Variants in METTL3 observed in about 807,000 individuals in gnomAD.
METTL3 encodes methyltransferase 3, N6-adenosine-methyltransferase complex catalytic subunit, also known as N(6)-adenosine-methyltransferase catalytic subunit METTL3.
A neutral mutation model predicts 64.3 loss-of-function variants in METTL3; 42 were observed. The observed-to-expected ratio is 0.65, with a 90% confidence interval of 0.51 to 0.84. The LOEUF (loss-of-function observed/expected upper bound fraction) is 0.84, where lower values mean the gene tolerates loss of function less well. Among genes scored for constraint, METTL3 ranks in the 40% least tolerant of loss-of-function variants. METTL3 has a pLI of 0.00. For synonymous variants in METTL3, 256 were observed against 263.6 expected (o/e 0.97, Z 0.28); for missense variants, 435 against 722.3 (o/e 0.60, Z 4.56).
At position 21,503,287 on chromosome 14, in the gene METTL3, C is replaced by T. The variant is rs143651068; in HGVS notation, c.609G>A (p.Ser203=). ...SLVSGLNSSA[S]EPAKEPAKKS... ...TCTTGGCTGGCTCCTTTGCTGGTTC[C>T]GATGCTGAAGAGTTCAGACCAGAGA... The change falls in exon 3 of 11, where the codon TCG becomes TCA. Residue 203 remains serine, a synonymous_variant. Coordinates refer to ENST00000298717, the MANE Select transcript of METTL3 (RefSeq NM_019852.5). The T allele has an allele frequency of 6.3e-5, 101 of 1,614,024 alleles. No homozygotes were observed. Among genetic ancestry groups the T allele is most frequent in the Middle Eastern group, 1.6e-4 (1 of 6,084 alleles).
At chr14:21,507,286 C>T (rs1194810419) in intron 1 of METTL3, among the ~76,000 whole-genome samples, 1 of 152,156 alleles carries the variant, frequency 6.6e-6, no homozygotes, top group Non-Finnish European at 1.5e-5. Flanking sequence ...GTGGTGGGTA[C>T]ATTTTAGTTC....
In METTL3 at chr14:21,511,270, A is replaced by G; in HGVS notation, c.-47T>C. 6.3e-7 allele frequency: 1 copy of G among 1,581,344 alleles called. No individual in the cohort carries two copies. Among genetic ancestry groups the G allele is most frequent in the Non-Finnish European group, 8.6e-7 (1 of 1,164,192 alleles). On this transcript the variant is annotated 5_prime_UTR_variant, in exon 1 of 11. Transcript: ENST00000298717. ...CCTCTCGAATAAGGCGCGGCGGACT[A>G]GCACCTCCCAGCACTCGCTCCAGGA...
At chr14:21,504,031 C>G in intron 1 of METTL3, 150 bp from the exon 2 acceptor site, 1 of 640,840 alleles carries the variant, frequency 1.6e-6, no homozygotes, top group Admixed American at 2.9e-5. Flanking sequence ...ATTACCTATC[C>G]TCAATCATAC....
At chr14:21,499,197 T>A (rs1891491795) in intron 9 of METTL3, 60 bp from the exon 10 acceptor site, 12 of 1,578,632 alleles carry the variant, frequency 7.6e-6, no homozygotes, top group Non-Finnish European at 1.0e-5. Context: ...TAGCCCTTTC[T>A]ATTATGTTTA....
rs541628992 is a variant in METTL3, at chr14:21,500,551, C to T, written c.1248G>A (p.Arg416=). 16 of 1,613,966 alleles carry T rather than the reference C, an allele frequency of 9.9e-6. No individual in the cohort carries two copies. Among genetic ancestry groups the T allele is most frequent in the African/African-American group, 1.3e-5 (1 of 74,890 alleles). Reference sequence around the variant, plus strand: ...CATCCTGTAGTACGGGTATGTTGAGCCTGCGCATCTCATCATCTGTCAGGG... The same window carrying T: ...CATCCTGTAGTACGGGTATGTTGAGTCTGCGCATCTCATCATCTGTCAGGG... ...YGTLTDDEMR[R]LNIPVLQDDG... Residue 416 remains arginine (R), a synonymous_variant, in exon 6 of 11, where the codon AGG becomes AGA. Transcript: ENST00000298717.
At chr14:21,507,265 C>G (rs1891720534) in intron 1 of METTL3, among the ~76,000 whole-genome samples, 2 of 152,178 alleles carry the variant, frequency 1.3e-5, no homozygotes, top group Non-Finnish European at 2.9e-5. Flanking sequence ...TTATTTTCCA[C>G]TATTAACGAT....
intron 4 of METTL3, 138 bp downstream of exon 4, chr14:21,501,575 ACTTCTGAAAGTACAC>A: frequency 1.1e-5 from 10 of 924,840 alleles, no homozygotes; most frequent in Non-Finnish European, 1.6e-5. Flanking sequence ...CACACAATGC[ACTTCTGAAAGTACAC>A]CTTCAGGGTC....
chr14:21,501,811 C>T lies in METTL3; in HGVS notation c.816G>A (p.Val272=). Residue 272 remains valine (V), a synonymous_variant, in exon 4 of 11, where the codon GTG becomes GTA. Transcript: ENST00000298717. Reference sequence around the variant, plus strand: ...TGGTTCCATAGTCACAGAATTCTTGCACTTGGGCCCGACCTCGAGAGCGAA... The same window carrying T: ...TGGTTCCATAGTCACAGAATTCTTGTACTTGGGCCCGACCTCGAGAGCGAA... The part of the protein sequence containing the change: ...EKFRSRGRAQ[V]QEFCDYGTKE... 1 of 1,614,146 alleles carries T rather than the reference C, an allele frequency of 6.2e-7. No homozygotes were observed. The highest frequency in any genetic ancestry group is 8.5e-7 in the Non-Finnish European group (1 of 1,180,040).
intron 1 of METTL3, chr14:21,504,764 C>G (rs1309304234): frequency 6.8e-6 from 1 of 147,252 alleles, no homozygotes; most frequent in Non-Finnish European, 1.5e-5. Context: ...AACCCCATCT[C>G]TACTAAAATA....
chr14:21,504,705 T>TG (rs1891654505), intron 1 of METTL3: 1 of 148,882 alleles, frequency 6.7e-6, no homozygotes, highest in East Asian at 2.0e-4. Flanking sequence ...CCAAGGTGGG[T>TG]GGATCACTTG....
At chr14:21,509,185 C>T (rs560552691) in intron 1 of METTL3, among the ~76,000 whole-genome samples, 2 of 151,928 alleles carry the variant, frequency 1.3e-5, no homozygotes, top group Non-Finnish European at 2.9e-5. Context: ...ACCAAAAATA[C>T]AAAAAATAGC....
intron 1 of METTL3, among the ~76,000 whole-genome samples, chr14:21,507,123 G>A (rs769999978): frequency 1.3e-4 from 20 of 151,990 alleles, no homozygotes; most frequent in Admixed American, 2.6e-4. Flanking sequence ...AGAGGTTGCA[G>A]TGAGGTGAGA....
Position 21,499,027 on chromosome 14 carries a change from G to T in METTL3, c.1629C>A (p.Asn543Lys). 1.9e-6 allele frequency: 3 copies of T among 1,610,906 alleles called. No individual in the cohort carries two copies. The highest frequency in any genetic ancestry group is 1.7e-6 in the Non-Finnish European group (2 of 1,177,088). ...LFGRPHNVQP[N>K]WITLGNQLDG... ...AGCCTGTTCTCTGGTCACCTTACCA[G>T]TTGGGTTGCACATTGTGTGGTCGTC... The change falls in exon 10 of 11, where the codon AAC becomes AAA. Residue 543 changes from asparagine (N) to lysine (K), a missense_variant and splice_region_variant. By Grantham distance (94) the Asn-to-Lys change is moderately conservative. Around this residue, in one of 9 missense-constraint regions of METTL3, gnomAD observed 38 missense variants for 102.3 expected, o/e 0.37. Transcript: ENST00000298717.
In METTL3 at chr14:21,503,747, C is replaced by G. The variant is rs1370779260; in HGVS notation, c.235G>C (p.Glu79Gln). 1 of 1,614,126 alleles carries G rather than the reference C, an allele frequency of 6.2e-7. No homozygotes were observed. The highest frequency in any genetic ancestry group is 8.5e-7 in the Non-Finnish European group (1 of 1,180,048). The change falls in exon 2 of 11, where the codon GAG (glutamate) becomes CAG (glutamine). Residue 79 changes from glutamate to glutamine, a missense_variant. Physicochemically the swap from Glu to Gln is conservative, Grantham distance 29. Around this residue, in one of 9 missense-constraint regions of METTL3, gnomAD observed 228 missense variants for 279.6 expected, o/e 0.82. Coordinates refer to ENST00000298717, the MANE Select transcript of METTL3 (RefSeq NM_019852.5). ...GAGAGGTGGTGTAGCAACTTCTTCT[C>G]TAACTCAGGATCTGTAGCTAATTCA... ...VPELATDPEL[E>Q]KKLLHHLSDL...
intron 1 of METTL3, chr14:21,504,215 G>A (rs1388044032): frequency 3.4e-6 from 1 of 295,674 alleles, no homozygotes; most frequent in East Asian, 8.7e-5. Flanking sequence ...TTTAATAAAG[G>A]ACAGGAATAT....
At chr14:21,501,534 A>T in intron 4 of METTL3, 194 bp downstream of exon 4, 2 of 688,714 alleles carry the variant, frequency 2.9e-6, no homozygotes, top group Non-Finnish European at 2.4e-6. Flanking sequence ...AAAAAATCTC[A>T]GTTATTTGGG....
rs1891630300 is a variant in METTL3 at position 21,503,774 on chromosome 14, G to T, written c.208C>A (p.Pro70Thr). Residue 70 changes from proline to threonine, a missense_variant, in exon 2 of 11, where the codon CCT becomes ACT. Around this residue, in one of 9 missense-constraint regions of METTL3, gnomAD observed 228 missense variants for 279.6 expected, o/e 0.82. Transcript: ENST00000298717. ...AACTCAGGATCTGTAGCTAATTCAG[G>T]AACTGCTGAAGCTGTGCTGGGCTTA... is the stretch of plus-strand genomic sequence containing the variant. Reference protein sequence around the residue: ...GPKPSTASAVPELATDPELEK... With the variant: ...GPKPSTASAVTELATDPELEK... 1 of 1,614,228 alleles carries T rather than the reference G, an allele frequency of 6.2e-7. No homozygotes were observed.
At chr14:21,500,869 C>A in intron 5 of METTL3, 44 bp downstream of exon 5, 1 of 1,576,400 alleles carries the variant, frequency 6.3e-7, no homozygotes, top group South Asian at 1.1e-5. Flanking sequence ...CCCTATCAAA[C>A]ATAAGTCCGT....
intron 10 of METTL3, 24 bp downstream of exon 10, chr14:21,499,001 T>C (rs373835579): frequency 2.0e-6 from 3 of 1,513,092 alleles, no homozygotes; most frequent in African/African-American, 1.4e-5. Flanking sequence ...CCTTGAGGAC[T>C]AGCCTGTTCT....
Sources: allele counts gnomAD v4.1 joint callset (sites outside exome capture counted in the v4.1 genomes callset), GRCh38; gene constraint gnomAD v4.1.1; regional missense constraint gnomAD v4.1.1; transcripts MANE v1.5; gene names NCBI Gene and HGNC (gene_info 2026-07-23, HGNC 2026-07-21).